The following TBC1D32 variants were observed in gnomAD, a reference collection of about 807,000 sequenced individuals.
The protein encoded by TBC1D32 is protein broad-minded.
A neutral mutation model predicts 170.3 loss-of-function variants in TBC1D32; 151 were observed. The observed-to-expected ratio is 0.89, with a 90% CI of 0.78 to 1.01. The LOEUF (loss-of-function observed/expected upper bound fraction) is 1.01. Among genes scored for constraint, TBC1D32 ranks in the 50% least tolerant of loss-of-function variants. TBC1D32 has a pLI of 0.00. For synonymous variants in TBC1D32, 498 were observed against 488.0 expected, an observed-to-expected ratio of 1.02 and a Z score of -0.27; for missense variants, 1,464 against 1,457.1, an observed-to-expected ratio of 1.00 and a Z score of -0.08.
rs148803770 is a variant in TBC1D32, at chr6:121,273,543, G to A, written c.1733+5578C>T. ...AAGAGATATACCTAATGTAAATGAC[G>A]AGTTAATGGGTGCAGCACACCAACA... On this transcript the variant is annotated intron_variant, in intron 15 of 31. Coordinates refer to ENST00000398212, the MANE Select transcript of TBC1D32 (RefSeq NM_152730.6). 9.9e-3 allele frequency among the ~76,000 whole-genome samples: 1,395 copies of A among 141,128 alleles called. 25 individuals are homozygous for A. Among genetic ancestry groups the A allele is most frequent in the African/African-American group, 0.034 (1,282 of 38,244 alleles). 92.6% of individuals were successfully genotyped at this position (141,128 alleles called of 152,430 possible).
intron 31 of TBC1D32, among the ~76,000 whole-genome samples, chr6:121,086,985 G>A (rs1035931032): frequency 6.6e-6 from 1 of 152,166 alleles, no homozygotes; most frequent in African/African-American, 2.4e-5. Context: ...ACCATCATCT[G>A]TCACAGATAA....
At chr6:121,133,378 T>A (rs1781658948) in intron 24 of TBC1D32, among the ~76,000 whole-genome samples, 3 of 152,000 alleles carry the variant, frequency 2.0e-5, no homozygotes. Context: ...GAAGTCCTCC[T>A]GTGTGGATAT....
At chr6:121,251,950 C>T (rs1043176589) in intron 17 of TBC1D32, among the ~76,000 whole-genome samples, 2 of 152,000 alleles carry the variant, frequency 1.3e-5, no homozygotes, top group Admixed American at 6.6e-5. Flanking sequence ...CATATTTATG[C>T]GGCCAAGAAA....
intron 20 of TBC1D32, among the ~76,000 whole-genome samples, chr6:121,228,511 G>C (rs976828075): frequency 6.6e-6 from 1 of 151,858 alleles, no homozygotes; most frequent in East Asian, 1.9e-4. Context: ...TGACTTCTTT[G>C]AGCTACAAGT....
intron 22 of TBC1D32, among the ~76,000 whole-genome samples, chr6:121,181,602 T>C (rs1173038281): frequency 6.6e-6 from 1 of 152,078 alleles, no homozygotes; most frequent in Non-Finnish European, 1.5e-5. Flanking sequence ...AATAAACATA[T>C]GATTCAGCAA....
intron 15 of TBC1D32, among the ~76,000 whole-genome samples, chr6:121,278,576 C>T (rs898069084): frequency 6.6e-6 from 1 of 152,084 alleles, no homozygotes; most frequent in African/African-American, 2.4e-5. Flanking sequence ...AATTGTGGTA[C>T]AGCTATACAC....
intron 17 of TBC1D32, among the ~76,000 whole-genome samples, chr6:121,246,661 T>C (rs572289468): frequency 6.6e-6 from 1 of 151,780 alleles, no homozygotes; most frequent in South Asian, 2.1e-4. Flanking sequence ...AAAGAAAACT[T>C]TTCCAGAGAA....
At position 121,160,948 on chromosome 6, in the gene TBC1D32, C is replaced by T; in HGVS notation, c.2679G>A (p.Lys893=). Residue 893 remains lysine, a splice_region_variant and synonymous_variant, in exon 23 of 32, where the codon AAG becomes AAA. Coordinates refer to ENST00000398212, the MANE Select transcript of TBC1D32 (RefSeq NM_152730.6). ...ERILPPRLLE[K]SDNPYPWPMF... ...CCACTTCTCTTTGCCCCACACTCAC[C>T]TTTTCGAGTAACCTCGGAGGCAAAA... The T allele has an allele frequency of 1.2e-6, 2 of 1,612,800 alleles. No homozygotes were observed. Among genetic ancestry groups the T allele is most frequent in the Non-Finnish European group, 8.5e-7 (1 of 1,178,936 alleles).
chr6:121,135,985 A>C (rs1262740737), intron 24 of TBC1D32, among the ~76,000 whole-genome samples: 1 of 152,168 alleles, frequency 6.6e-6, no homozygotes, highest in Non-Finnish European at 1.5e-5. Flanking sequence ...AAAGGCAACA[A>C]AATTTAGCAC....
intron 1 of TBC1D32, among the ~76,000 whole-genome samples, chr6:121,325,218 A>G (rs1013774514): frequency 1.3e-5 from 2 of 151,984 alleles, no homozygotes; most frequent in African/African-American, 4.8e-5. Flanking sequence ...TCTCAAAAAA[A>G]AAAAAAAAAA....
At chr6:121,241,970 TG>T (rs1475081428) in intron 18 of TBC1D32, among the ~76,000 whole-genome samples, 1 of 152,180 alleles carries the variant, frequency 6.6e-6, no homozygotes, top group Admixed American at 6.5e-5. Flanking sequence ...GATAATTAAC[TG>T]CATTCTTCAA....
intron 12 of TBC1D32, 117 bp downstream of exon 12, chr6:121,291,936 A>C: frequency 9.0e-7 from 1 of 1,105,454 alleles, no homozygotes; most frequent in African/African-American, 1.6e-5. Flanking sequence ...CAATAGACTA[A>C]AAGGTATGTA....
At chr6:121,239,796 C>A (rs997863542) in intron 19 of TBC1D32, among the ~76,000 whole-genome samples, 1 of 151,738 alleles carries the variant, frequency 6.6e-6, no homozygotes, top group African/African-American at 2.4e-5. Flanking sequence ...TCAAATTAGT[C>A]TATTAAAAAA....
chr6:121,080,858 A>G lies in TBC1D32; in HGVS notation c.3687T>C (p.Asp1229=). 1.2e-6 allele frequency: 2 copies of G among 1,613,952 alleles called. No homozygotes were observed. The highest frequency in any genetic ancestry group is 1.7e-6 in the Non-Finnish European group (2 of 1,179,910). Residue 1229 remains aspartate (D), a synonymous_variant, in exon 32 of 32, where the codon GAT becomes GAC. Transcript: ENST00000398212. ...CCAAAATTTCCATGTATTCAAAATA[A>G]TCACTCACTCGAAACCCATGCAGTG... ...EEALHGFRVS[D]YFEYMEILEQ...
rs1250090966 is a variant in TBC1D32, at chr6:121,239,080, C to A, written c.2354G>T (p.Ser785Ile). ...CAAATAACTTCTTACCTTTTGACAG[C>A]TTCGGTCAATAGGATCCACTGGAGT... ...RTTPVDPIDRSCQKSFLALVN... is the reference protein window; with the variant it reads ...RTTPVDPIDRICQKSFLALVN... Residue 785 changes from serine to isoleucine, a missense_variant, in exon 20 of 32, where the codon AGC becomes ATC. This residue lies in a region of TBC1D32 where 1,363 missense variants were observed against 1,338.1 expected (regional missense o/e 1.02). Transcript: ENST00000398212. 6.3e-7 allele frequency: 1 copy of A among 1,577,868 alleles called. No homozygotes were observed. The highest frequency in any genetic ancestry group is 1.7e-5 in the Admixed American group (1 of 59,748).
At chr6:121,242,755 G>C (rs1797145313) in intron 17 of TBC1D32, among the ~76,000 whole-genome samples, 1 of 151,868 alleles carries the variant, frequency 6.6e-6, no homozygotes, top group Non-Finnish European at 1.5e-5. Context: ...GCACGTGATA[G>C]ATATTATCTC....
intron 15 of TBC1D32, among the ~76,000 whole-genome samples, chr6:121,256,555 T>TA (rs1464830642): frequency 6.6e-6 from 1 of 152,228 alleles, no homozygotes; most frequent in Non-Finnish European, 1.5e-5. Flanking sequence ...GCCATGTAGA[T>TA]AAGTATTGTC....
intron 22 of TBC1D32, among the ~76,000 whole-genome samples, chr6:121,180,614 G>A (rs1363721326): frequency 6.6e-6 from 1 of 152,094 alleles, no homozygotes; most frequent in Non-Finnish European, 1.5e-5. Flanking sequence ...TGTAAAACCT[G>A]AAACTATGAA....
intron 20 of TBC1D32, among the ~76,000 whole-genome samples, chr6:121,225,336 G>GT (rs1392041843): frequency 6.6e-6 from 1 of 151,982 alleles, no homozygotes; most frequent in Non-Finnish European, 1.5e-5. Flanking sequence ...CTGCAAAGAT[G>GT]TTTTAATGTC....
Sources: allele counts gnomAD v4.1 joint callset (sites outside exome capture counted in the v4.1 genomes callset), GRCh38; gene constraint gnomAD v4.1.1; regional missense constraint gnomAD v4.1.1; transcripts MANE v1.5; gene names NCBI Gene and HGNC (gene_info 2026-07-23, HGNC 2026-07-21).